The following CNTNAP2 variants were observed in gnomAD, a reference collection of about 807,000 sequenced individuals.
CNTNAP2 encodes the protein contactin associated protein 2, also known as contactin-associated protein-like 2.
Under a neutral mutation model 155.2 loss-of-function variants are expected in CNTNAP2, and 98 were observed. That is an observed-to-expected ratio of 0.63 (90% CI 0.54 to 0.75). The LOEUF is 0.75. Among genes scored for constraint, CNTNAP2 ranks in the 30% least tolerant of loss-of-function variants. CNTNAP2 has a pLI of 0.00. For synonymous variants in CNTNAP2, 651 were observed against 631.2 expected (o/e 1.03, Z -0.47); for missense variants, 1,727 against 1,688.1 (o/e 1.02, Z -0.40).
chr7:146,811,620 C>A (rs1052655783), intron 2 of CNTNAP2, among the ~76,000 whole-genome samples: 12 of 151,654 alleles, frequency 7.9e-5, no homozygotes, highest in Non-Finnish European at 1.3e-4. Flanking sequence ...TTCTTTATTT[C>A]TAGTTTTTAT....
chr7:147,829,946 A>G (rs17825525), intron 13 of CNTNAP2, among the ~76,000 whole-genome samples: 13,461 of 151,972 alleles, frequency 0.089, 793 homozygotes, highest in Admixed American at 0.16. Context: ...GAAATCTCAC[A>G]TCTGCTTACC....
At chr7:146,558,515 C>T (rs1798230792) in intron 1 of CNTNAP2, among the ~76,000 whole-genome samples, 1 of 152,088 alleles carries the variant, frequency 6.6e-6, no homozygotes, top group Non-Finnish European at 1.5e-5. Context: ...TTGAAGCCAT[C>T]ACCACAATCT....
chr7:147,777,613 G>A (rs1012504620), intron 13 of CNTNAP2, among the ~76,000 whole-genome samples: 1 of 152,114 alleles, frequency 6.6e-6, no homozygotes, highest in African/African-American at 2.4e-5. Context: ...ACCTTTCTAA[G>A]TGGCAGGAAT....
chr7:147,634,819 G>C (rs1795149788), intron 12 of CNTNAP2, among the ~76,000 whole-genome samples: 3 of 151,924 alleles, frequency 2.0e-5, no homozygotes, highest in African/African-American at 7.3e-5. Context: ...GTTTTCCTTT[G>C]ACTACAAGCC....
intron 15 of CNTNAP2, among the ~76,000 whole-genome samples, chr7:148,064,320 G>A (rs926551876): frequency 5.3e-5 from 8 of 152,012 alleles, no homozygotes; most frequent in Non-Finnish European, 1.2e-4. Context: ...GCTTTTGGCA[G>A]TATGGTCATT....
chr7:147,460,465 T>A (rs1798003476), intron 10 of CNTNAP2, among the ~76,000 whole-genome samples: 1 of 152,184 alleles, frequency 6.6e-6, no homozygotes, highest in Non-Finnish European at 1.5e-5. Context: ...TATAAAGAAA[T>A]CCTGCTTTGC....
chr7:148,036,141 C>T (rs1338363824), intron 15 of CNTNAP2, among the ~76,000 whole-genome samples: 8 of 152,188 alleles, frequency 5.3e-5, no homozygotes, highest in Admixed American at 4.6e-4. Flanking sequence ...CTGTTAGTCT[C>T]AACCATTTCT....
rs564833388 is a variant in CNTNAP2, at chr7:146,906,784, G to A, written c.402+66880G>A. 2.8e-4 allele frequency among the ~76,000 whole-genome samples: 42 copies of A among 152,134 alleles called. No individual in the cohort carries two copies. In the South Asian group the frequency reaches 2.9e-3, roughly 11 times the overall value. ...AGGAACGCAGCTCCTCACCAGCAACGGAACAAAGCTGGATGGAGAATGACT... is the reference window on the plus strand; with the variant it reads ...AGGAACGCAGCTCCTCACCAGCAACAGAACAAAGCTGGATGGAGAATGACT... On this transcript the variant is annotated intron_variant, in intron 3 of 23. Transcript: ENST00000361727.
chr7:148,123,651 G>C (rs1475859746), intron 16 of CNTNAP2, among the ~76,000 whole-genome samples: 1 of 140,614 alleles, frequency 7.1e-6, no homozygotes, highest in South Asian at 2.2e-4. Flanking sequence ...AAGGAAGGAA[G>C]GAAGGAAGGA....
At chr7:146,919,441 T>C (rs1304755335) in intron 3 of CNTNAP2, among the ~76,000 whole-genome samples, 1 of 152,146 alleles carries the variant, frequency 6.6e-6, no homozygotes, top group Non-Finnish European at 1.5e-5. Flanking sequence ...CAAACTGCAG[T>C]GGTTGTTATT....
At chr7:147,177,344 G>C (rs1003521355) in intron 8 of CNTNAP2, among the ~76,000 whole-genome samples, 7 of 152,014 alleles carry the variant, frequency 4.6e-5, no homozygotes, top group Non-Finnish European at 5.9e-5. Flanking sequence ...AAGTTCTCAC[G>C]AGAGCTGATG....
chr7:148,040,592 C>T (rs1306184535), intron 15 of CNTNAP2, among the ~76,000 whole-genome samples: 1 of 152,252 alleles, frequency 6.6e-6, no homozygotes, highest in Admixed American at 6.5e-5. Context: ...CACACCCCGC[C>T]TTTTTCCTAA....
At chr7:146,801,194 G>T (rs949075269) in intron 2 of CNTNAP2, among the ~76,000 whole-genome samples, 1 of 152,106 alleles carries the variant, frequency 6.6e-6, no homozygotes, top group African/African-American at 2.4e-5. Flanking sequence ...AAAGGAGGAA[G>T]TTTCAGGCTC....
At chr7:147,730,784 T>C (rs74582400) in intron 13 of CNTNAP2, among the ~76,000 whole-genome samples, 29,269 of 152,102 alleles carry the variant, frequency 0.19, 3,241 homozygotes, top group Middle Eastern at 0.39. Flanking sequence ...CCCAAAACTA[T>C]ATCTCTTATA....
chr7:147,870,636 A>G (rs555051022), intron 13 of CNTNAP2, among the ~76,000 whole-genome samples: 1 of 152,316 alleles, frequency 6.6e-6, no homozygotes, highest in African/African-American at 2.4e-5. Context: ...ATAAAATCAG[A>G]GAATGCAAAT....
rs559488726 is a variant in CNTNAP2 at position 147,179,639 on chromosome 7, G to A, written c.1348+47130G>A. ...GTAGGTAATTAGTCTTATCAAAATC[G>A]GTTTTATTTACAAATATGAAGGATG... On this transcript the variant is annotated intron_variant, in intron 8 of 23. Transcript: ENST00000361727. Among the ~76,000 whole-genome samples, 5 of 152,082 alleles carry A rather than the reference G, an allele frequency of 3.3e-5. 1 individual carries two copies. The East Asian group carries it at 5.8e-4, about 18-fold the overall frequency.
At chr7:146,285,978 C>CTCTG (rs1554411308) in intron 1 of CNTNAP2, among the ~76,000 whole-genome samples, 1 of 33,710 alleles carries the variant, frequency 3.0e-5, no homozygotes, top group African/African-American at 2.8e-4. Flanking sequence ...CCTTCCTTCT[C>CTCTG]TGTGTGTGTG....
intron 13 of CNTNAP2, among the ~76,000 whole-genome samples, chr7:147,900,131 T>C (rs926101773): frequency 6.6e-6 from 1 of 152,194 alleles, no homozygotes; most frequent in Admixed American, 6.5e-5. Context: ...CTCTGCTCTC[T>C]GGGAAATCCT....
chr7:148,290,228 G>A (rs567384156), intron 21 of CNTNAP2, among the ~76,000 whole-genome samples: 1 of 152,218 alleles, frequency 6.6e-6, no homozygotes, highest in Non-Finnish European at 1.5e-5. Flanking sequence ...AGAGGAAAAA[G>A]AAAAACAAAT....
Sources: allele counts gnomAD v4.1 joint callset (sites outside exome capture counted in the v4.1 genomes callset), GRCh38; gene constraint gnomAD v4.1.1; transcripts MANE v1.5; gene names NCBI Gene and HGNC (gene_info 2026-07-23, HGNC 2026-07-21).